The following LRRC4C variants were observed in gnomAD, a reference collection of about 807,000 sequenced individuals.
LRRC4C encodes the protein leucine-rich repeat-containing protein 4C.
A neutral mutation model predicts 33.6 loss-of-function variants in LRRC4C; 5 were observed. The ratio of observed to expected loss-of-function variants is 0.15; its 90% CI spans 0.08 to 0.31. The LOEUF is 0.31. Ranked by LOEUF, LRRC4C falls within the 10% of genes least tolerant of loss-of-function variation. The pLI, the probability that LRRC4C is intolerant of heterozygous loss-of-function variation, is 1.00. For synonymous variants in LRRC4C, 329 were observed against 302.0 expected (o/e 1.09, Z -0.93); for missense variants, 560 against 796.7 (o/e 0.70, Z 3.58).
chr11:41,075,014 C>CTTTTTTTTTTTTTTTTTTTTTTTTTTTTA (rs869112602), intron 1 of LRRC4C, among the ~76,000 whole-genome samples: 1 of 101,018 alleles, frequency 9.9e-6, no homozygotes, highest in African/African-American at 3.2e-5. Flanking sequence ...CTTCAATTTT[C>CTTTTTTTTTTTTTTTTTTTTTTTTTTTTA]TTTTTTTTTT....
chr11:40,640,887 G>A (rs1041744384), intron 3 of LRRC4C, among the ~76,000 whole-genome samples: 16 of 151,774 alleles, frequency 1.1e-4, no homozygotes, highest in Non-Finnish European at 2.2e-4. Context: ...GTGGTGGCGG[G>A]CGCCTGTAGT....
intron 1 of LRRC4C, among the ~76,000 whole-genome samples, chr11:41,447,636 G>A (rs1303989989): frequency 2.0e-5 from 3 of 152,066 alleles, no homozygotes; most frequent in South Asian, 2.1e-4. Flanking sequence ...TTCCAAGGTC[G>A]TAATACCCAT....
chr11:40,387,635 G>A (rs1357008125), intron 3 of LRRC4C, among the ~76,000 whole-genome samples: 1 of 152,122 alleles, frequency 6.6e-6, no homozygotes, highest in Admixed American at 6.6e-5. Context: ...TTATTGACAT[G>A]AAGGTGACAC....
At chr11:40,290,897 C>A (rs990973839) in intron 4 of LRRC4C, among the ~76,000 whole-genome samples, 2 of 152,024 alleles carry the variant, frequency 1.3e-5, no homozygotes, top group African/African-American at 2.4e-5. Context: ...CTTCCTTTGA[C>A]CCTTACTCAT....
At chr11:41,378,770 T>G (rs1184750366) in intron 1 of LRRC4C, among the ~76,000 whole-genome samples, 1 of 152,122 alleles carries the variant, frequency 6.6e-6, no homozygotes, top group Non-Finnish European at 1.5e-5. Flanking sequence ...CTAAGAGCAA[T>G]TCCCTATAAC....
chr11:40,352,622 AC>A (rs1947464129), intron 3 of LRRC4C, among the ~76,000 whole-genome samples: 1 of 150,100 alleles, frequency 6.7e-6, no homozygotes, highest in Non-Finnish European at 1.5e-5. Context: ...TTTGCACACC[AC>A]AATTACAGTG....
chr11:41,280,945 C>A (rs146230477), intron 1 of LRRC4C, among the ~76,000 whole-genome samples: 1 of 151,666 alleles, frequency 6.6e-6, no homozygotes, highest in Non-Finnish European at 1.5e-5. Flanking sequence ...CTCTCGTCAC[C>A]AAGATAACAG....
intron 1 of LRRC4C, among the ~76,000 whole-genome samples, chr11:41,203,981 G>A (rs905208260): frequency 1.3e-5 from 2 of 152,048 alleles, no homozygotes; most frequent in Non-Finnish European, 2.9e-5. Flanking sequence ...TTCTCTTTGT[G>A]AAACAGCCAC....
At chr11:40,705,354 C>T (rs1024644514) in intron 2 of LRRC4C, among the ~76,000 whole-genome samples, 10 of 151,888 alleles carry the variant, frequency 6.6e-5, no homozygotes, top group Admixed American at 5.9e-4. Context: ...TATCCCTCCC[C>T]CATCCCCTCA....
At chr11:40,252,221 A>G (rs1380944516) in intron 4 of LRRC4C, among the ~76,000 whole-genome samples, 2 of 151,982 alleles carry the variant, frequency 1.3e-5, no homozygotes, top group Admixed American at 1.3e-4. Context: ...ATGTATATAC[A>G]TATACTCACA....
chr11:40,582,467 G>A (rs752183985), intron 3 of LRRC4C, among the ~76,000 whole-genome samples: 15 of 150,634 alleles, frequency 1.0e-4, no homozygotes, highest in Non-Finnish European at 1.6e-4. Context: ...AATTAGTTAA[G>A]GAGCTGAACT....
intron 3 of LRRC4C, among the ~76,000 whole-genome samples, chr11:40,320,968 G>A (rs1945815997): frequency 6.6e-6 from 1 of 152,134 alleles, no homozygotes; most frequent in Admixed American, 6.5e-5. Context: ...TGAGATTCAT[G>A]TATTACTTGA....
chr11:40,435,119 C>T lies in LRRC4C; in HGVS notation c.-269-115398G>A, dbSNP rs147662859. On this transcript the variant is annotated intron_variant, in intron 3 of 6. Transcript: ENST00000528697. The stretch of plus-strand genomic sequence containing the variant: ...GATAAAAATATCTGGGACACCACCA[C>T]CATATGTTGCAACAAAATGGCCAGC... Among the ~76,000 whole-genome samples, 407 of 152,274 alleles carry T rather than the reference C, an allele frequency of 2.7e-3. 3 individuals carry two copies. Among genetic ancestry groups the T allele is most frequent in the South Asian group, 0.017 (81 of 4,822 alleles).
intron 3 of LRRC4C, among the ~76,000 whole-genome samples, chr11:40,540,563 G>A (rs1448166738): frequency 1.3e-5 from 2 of 152,028 alleles, no homozygotes; most frequent in African/African-American, 4.8e-5. Context: ...CTGCTGCCCT[G>A]ACACCTCCAC....
intron 2 of LRRC4C, among the ~76,000 whole-genome samples, chr11:40,763,417 G>A (rs1949316478): frequency 6.6e-6 from 1 of 152,096 alleles, no homozygotes; most frequent in Non-Finnish European, 1.5e-5. Flanking sequence ...GAACTTTCTA[G>A]TGATCATCCC....
chr11:40,695,876 T>G (rs1421554343), intron 2 of LRRC4C, among the ~76,000 whole-genome samples: 1 of 152,002 alleles, frequency 6.6e-6, no homozygotes, highest in Admixed American at 6.6e-5. Context: ...CTTAATTTAA[T>G]CACATCTTCA....
chr11:41,232,907 C>G (rs888238055), intron 1 of LRRC4C, among the ~76,000 whole-genome samples: 1 of 152,010 alleles, frequency 6.6e-6, no homozygotes, highest in African/African-American at 2.4e-5. Flanking sequence ...GTCAACACTT[C>G]TGCCAATTAT....
intron 1 of LRRC4C, among the ~76,000 whole-genome samples, chr11:41,188,271 C>A (rs1338881288): frequency 6.6e-6 from 1 of 152,124 alleles, no homozygotes; most frequent in Non-Finnish European, 1.5e-5. Context: ...TACAGTTTAC[C>A]TGCAGTTAAG....
chr11:40,382,843 G>A (rs1301898494), intron 3 of LRRC4C, among the ~76,000 whole-genome samples: 6 of 151,790 alleles, frequency 4.0e-5, no homozygotes, highest in African/African-American at 7.2e-5. Flanking sequence ...ACAGGCACCC[G>A]CCACCATGCC....
Sources: allele counts gnomAD v4.1 joint callset (sites outside exome capture counted in the v4.1 genomes callset), GRCh38; gene constraint gnomAD v4.1.1; transcripts MANE v1.5; gene names NCBI Gene and HGNC (gene_info 2026-07-23, HGNC 2026-07-21).